The following MTTP variants were observed in gnomAD, a reference collection of about 807,000 sequenced individuals.
MTTP encodes microsomal triglyceride transfer protein.
A neutral mutation model predicts 90.6 loss-of-function variants in MTTP; 49 were observed. That is an observed-to-expected ratio of 0.54 (90% confidence interval 0.43 to 0.69). The LOEUF (loss-of-function observed/expected upper bound fraction) is 0.69, where lower values mean the gene tolerates loss of function less well. Among genes scored for constraint, MTTP ranks in the 30% least tolerant of loss-of-function variants. The pLI, the probability that MTTP is intolerant of heterozygous loss-of-function variation, is 0.00. For missense variants in MTTP, 945 were observed against 1,067.5 expected, an observed-to-expected ratio of 0.89 and a Z score of 1.60; for synonymous variants, 347 against 384.2, an observed-to-expected ratio of 0.90 and a Z score of 1.13.
intron 12 of MTTP, among the ~76,000 whole-genome samples, chr4:99,610,771 T>C (rs1177146056): frequency 6.6e-6 from 1 of 152,168 alleles, no homozygotes; most frequent in Non-Finnish European, 1.5e-5. Flanking sequence ...TAAAGAAATA[T>C]TGTGCAATCT....
In MTTP at chr4:99,591,891, C is replaced by T. The variant is rs777495602; in HGVS notation, c.758+101C>T. On this transcript the variant is annotated intron_variant, in intron 6 of 17. Transcript: ENST00000265517. ...GTGTTTGTGTGTGTGTGTGTGTGCG[C>T]GTGTAGTCATGCATTGCTTAACAAT... 802 of 1,059,430 alleles carry T rather than the reference C, an allele frequency of 7.6e-4. 2 individuals are homozygous for T. Among genetic ancestry groups the T allele is most frequent in the Middle Eastern group, 3.4e-3 (12 of 3,500 alleles). 65.6% of individuals were successfully genotyped at this position (1,059,430 alleles called of 1,614,324 possible).
At chr4:99,617,393 G>A (rs1726123481) in intron 15 of MTTP, among the ~76,000 whole-genome samples, 1 of 152,152 alleles carries the variant, frequency 6.6e-6, no homozygotes, top group Non-Finnish European at 1.5e-5. Context: ...TGTAAACCAA[G>A]TCCTTTGCCT....
chr4:99,600,345 C>T (rs892233689), intron 8 of MTTP, among the ~76,000 whole-genome samples: 1 of 151,810 alleles, frequency 6.6e-6, no homozygotes, highest in Non-Finnish European at 1.5e-5. Flanking sequence ...TCTGAGTATA[C>T]ATTGTTTGAG....
intron 10 of MTTP, among the ~76,000 whole-genome samples, chr4:99,602,327 C>T (rs775766405): frequency 5.9e-5 from 9 of 152,056 alleles, no homozygotes; most frequent in Non-Finnish European, 1.3e-4. Context: ...AGCAAAAACA[C>T]TTTTTAAGTA....
intron 15 of MTTP, among the ~76,000 whole-genome samples, chr4:99,615,133 G>C (rs1319267993): frequency 2.0e-5 from 3 of 152,200 alleles, no homozygotes; most frequent in Admixed American, 2.0e-4. Context: ...GAATCGGGGT[G>C]TAAAACCATG....
intron 12 of MTTP, 34 bp downstream of exon 12, chr4:99,609,011 C>A: frequency 6.4e-7 from 1 of 1,571,060 alleles, no homozygotes; most frequent in South Asian, 1.1e-5. Flanking sequence ...TCTGTGTATT[C>A]AAGCTTATTT....
intron 11 of MTTP, among the ~76,000 whole-genome samples, chr4:99,607,886 G>A (rs758890348): frequency 3.3e-5 from 5 of 152,104 alleles, no homozygotes; most frequent in Non-Finnish European, 5.9e-5. Flanking sequence ...TTGTGCGTGT[G>A]TAGGGTTAAA....
chr4:99,611,563 T>G, intron 14 of MTTP, 110 bp downstream of exon 14: 11 of 1,420,410 alleles, frequency 7.7e-6, no homozygotes, highest in Non-Finnish European at 1.1e-5. Flanking sequence ...AAGTTAATGG[T>G]GGCTTCTGTC....
chr4:99,600,435 A>T, intron 8 of MTTP, 130 bp from the exon 9 acceptor site: 4 of 942,926 alleles, frequency 4.2e-6, no homozygotes, highest in Admixed American at 2.3e-5. Flanking sequence ...TCATTTTTTC[A>T]TTTGTTCAAA....
At chr4:99,578,385 A>G (rs1355411035) in intron 1 of MTTP, among the ~76,000 whole-genome samples, 3 of 152,222 alleles carry the variant, frequency 2.0e-5, no homozygotes, top group Non-Finnish European at 4.4e-5. Context: ...TATAAATGGG[A>G]CATGCCCCAA....
At chr4:99,607,898 G>T (rs2110229465) in intron 11 of MTTP, among the ~76,000 whole-genome samples, 1 of 152,084 alleles carries the variant, frequency 6.6e-6, no homozygotes, top group African/African-American at 2.4e-5. Flanking sequence ...AGGGTTAAAA[G>T]GTGTGTGGGA....
rs145238214 is a variant in MTTP at position 99,622,841 on chromosome 4, G to A, written c.2678G>A (p.Trp893Ter). ...CAGCCGGATAGTACTTCCAGCGGAT[G>A]GTTTTGAAACTGACCTGTGATATTT... The part of the protein sequence containing the change: ...APQPDSTSSG[W>*]F The change falls in exon 18 of 18, where the codon TGG (tryptophan) becomes TAG (stop). Residue 893 changes from tryptophan (W) to a stop codon, truncating the protein, a stop_gained. Transcript: ENST00000265517. LOFTEE classifies it high-confidence loss of function. The A allele has an allele frequency of 6.2e-7, 1 of 1,614,050 alleles. No homozygotes were observed. The highest frequency in any genetic ancestry group is 1.3e-5 in the African/African-American group (1 of 75,020).
At chr4:99,594,195 GA>G (rs745475872) in intron 6 of MTTP, among the ~76,000 whole-genome samples, 63 of 152,186 alleles carry the variant, frequency 4.1e-4, no homozygotes, top group Non-Finnish European at 7.8e-4. Flanking sequence ...CATAGCCTTA[GA>G]GATCACACAG....
chr4:99,600,369 C>A (rs1462757516), intron 8 of MTTP, among the ~76,000 whole-genome samples, 196 bp from the exon 9 acceptor site: 1 of 151,594 alleles, frequency 6.6e-6, no homozygotes, highest in South Asian at 2.1e-4. Flanking sequence ...GAGAGAGGGG[C>A]GTTCAAGGAG....
chr4:99,579,218 G>C (rs1725037481), intron 1 of MTTP, among the ~76,000 whole-genome samples: 2 of 151,994 alleles, frequency 1.3e-5, no homozygotes, highest in Admixed American at 1.3e-4. Flanking sequence ...CCTTTTCTTT[G>C]AAGGTTCGAC....
chr4:99,592,024 G>T (rs1308406903), intron 6 of MTTP, among the ~76,000 whole-genome samples: 1 of 152,006 alleles, frequency 6.6e-6, no homozygotes, highest in Non-Finnish European at 1.5e-5. Context: ...ACATTATATG[G>T]TATAGCCTAT....
chr4:99,572,690 G>A (rs1365411404), upstream of MTTP, among the ~76,000 whole-genome samples: 1 of 151,956 alleles, frequency 6.6e-6, no homozygotes, highest in African/African-American at 2.4e-5. Flanking sequence ...AAAATAGCTG[G>A]TGAGTTTTAG....
chr4:99,579,155 C>G (rs1337017367), intron 1 of MTTP, among the ~76,000 whole-genome samples: 1 of 152,152 alleles, frequency 6.6e-6, no homozygotes, highest in South Asian at 2.1e-4. Flanking sequence ...ACACATAGAT[C>G]CTTTCATACT....
chr4:99,594,601 T>C (rs1320473771), intron 6 of MTTP, 132 bp from the exon 7 acceptor site: 3 of 975,178 alleles, frequency 3.1e-6, no homozygotes, highest in Non-Finnish European at 4.8e-6. Flanking sequence ...TCTGGAGATA[T>C]CACAGTTTGA....
Sources: allele counts gnomAD v4.1 joint callset (sites outside exome capture counted in the v4.1 genomes callset), GRCh38; gene constraint gnomAD v4.1.1; transcripts MANE v1.5; gene names NCBI Gene and HGNC (gene_info 2026-07-23, HGNC 2026-07-21).